GPR158: variants seen among roughly 807,000 people sequenced by gnomAD.
The protein encoded by GPR158 is G protein-coupled receptor 158, also known as metabotropic glycine receptor.
Under a neutral mutation model 78.2 loss-of-function variants are expected in GPR158, and 30 were observed. The observed-to-expected ratio is 0.38, with a 90% CI of 0.29 to 0.52. The LOEUF is 0.52. Ranked by LOEUF, GPR158 falls within the 20% of genes least tolerant of loss-of-function variation. GPR158 has a pLI of 0.83. For synonymous variants in GPR158, 581 were observed against 591.1 expected, an observed-to-expected ratio of 0.98 and a Z score of 0.25; for missense variants, 1,463 against 1,523.5, an observed-to-expected ratio of 0.96 and a Z score of 0.66.
chr10:25,295,425 T>G (rs904346943), intron 2 of GPR158, among the ~76,000 whole-genome samples: 3 of 152,134 alleles, frequency 2.0e-5, no homozygotes, highest in Non-Finnish European at 1.5e-5. Context: ...TCTCTTTCTT[T>G]TTTTTTGAGA....
chr10:25,343,828 T>C (rs924955098), intron 2 of GPR158, among the ~76,000 whole-genome samples: 1 of 151,998 alleles, frequency 6.6e-6, no homozygotes, highest in African/African-American at 2.4e-5. Flanking sequence ...CTGTATACTT[T>C]GGATCACTTA....
At chr10:25,555,094 GAAAGAAAGAA>G (rs898193481) in intron 6 of GPR158, among the ~76,000 whole-genome samples, 11 of 151,926 alleles carry the variant, frequency 7.2e-5, no homozygotes, top group Non-Finnish European at 1.6e-4. Flanking sequence ...GAAGGAAGGA[GAAAGAAAGAA>G]AAAGAAAGAG....
intron 2 of GPR158, among the ~76,000 whole-genome samples, chr10:25,231,360 A>T (rs1588747261): frequency 6.6e-6 from 1 of 152,194 alleles, no homozygotes; most frequent in Admixed American, 6.5e-5. Context: ...ATTGATTTTT[A>T]AAAATAATCT....
At chr10:25,345,695 A>T (rs764689482) in intron 2 of GPR158, among the ~76,000 whole-genome samples, 5 of 151,938 alleles carry the variant, frequency 3.3e-5, no homozygotes, top group Non-Finnish European at 5.9e-5. Context: ...CTGCTGGCTA[A>T]TATTGACTTT....
chr10:25,245,873 C>A (rs977662833), intron 2 of GPR158, among the ~76,000 whole-genome samples: 1 of 152,022 alleles, frequency 6.6e-6, no homozygotes, highest in Admixed American at 6.6e-5. Flanking sequence ...ATTATGAAAT[C>A]TTTTATAATA....
At chr10:25,409,640 T>C (rs1834559546) in intron 3 of GPR158, among the ~76,000 whole-genome samples, 1 of 152,362 alleles carries the variant, frequency 6.6e-6, no homozygotes, top group East Asian at 1.9e-4. Context: ...AAAAGAGATA[T>C]CAAATATTCT....
At chr10:25,328,840 T>C (rs1393511115) in intron 2 of GPR158, among the ~76,000 whole-genome samples, 1 of 147,312 alleles carries the variant, frequency 6.8e-6, no homozygotes, top group Non-Finnish European at 1.5e-5. Flanking sequence ...GGCAGGAGAA[T>C]TGATTGAACT....
chr10:25,532,059 G>A (rs1035521185), intron 5 of GPR158, among the ~76,000 whole-genome samples: 7 of 152,200 alleles, frequency 4.6e-5, no homozygotes, highest in Non-Finnish European at 8.8e-5. Flanking sequence ...ATTCTAGGTT[G>A]TAACTGCAAT....
intron 1 of GPR158, among the ~76,000 whole-genome samples, chr10:25,182,776 C>T (rs1035690521): frequency 6.6e-5 from 10 of 152,186 alleles, no homozygotes; most frequent in African/African-American, 1.7e-4. Context: ...GATGCCAAGG[C>T]GTATGTTGTT....
chr10:25,590,270 C>T (rs1837324236), intron 8 of GPR158, among the ~76,000 whole-genome samples: 1 of 152,172 alleles, frequency 6.6e-6, no homozygotes, highest in Admixed American at 6.5e-5. Flanking sequence ...GGTCTGAGAA[C>T]CCTGGAGACT....
intron 2 of GPR158, among the ~76,000 whole-genome samples, chr10:25,366,217 A>G (rs1177570899): frequency 6.6e-6 from 1 of 151,618 alleles, no homozygotes; most frequent in Non-Finnish European, 1.5e-5. Context: ...ATATTGGGGC[A>G]TATCCACCTA....
At chr10:25,461,827 GT>G (rs1221825306) in intron 4 of GPR158, among the ~76,000 whole-genome samples, 9 of 151,660 alleles carry the variant, frequency 5.9e-5, no homozygotes, top group Non-Finnish European at 1.2e-4. Flanking sequence ...CATCTCCCGG[GT>G]TCACGCCATT....
At chr10:25,324,800 A>G (rs963618071) in intron 2 of GPR158, among the ~76,000 whole-genome samples, 3 of 148,722 alleles carry the variant, frequency 2.0e-5, no homozygotes, top group Admixed American at 2.0e-4. Context: ...AGTAAAATAT[A>G]TATTAGGTAA....
intron 2 of GPR158, among the ~76,000 whole-genome samples, chr10:25,385,795 C>A (rs1412247152): frequency 6.6e-6 from 1 of 151,996 alleles, no homozygotes. Flanking sequence ...CACTTAAAAT[C>A]AGGTTATTTG....
intron 2 of GPR158, among the ~76,000 whole-genome samples, chr10:25,238,065 C>CCTT (rs1853551002): frequency 2.0e-5 from 3 of 151,684 alleles, no homozygotes; most frequent in Admixed American, 2.0e-4. Context: ...TCTTTTCTCT[C>CCTT]CTTCTTCTTC....
At chr10:25,259,944 T>C (rs1465284267) in intron 2 of GPR158, among the ~76,000 whole-genome samples, 2 of 152,104 alleles carry the variant, frequency 1.3e-5, no homozygotes, top group African/African-American at 4.8e-5. Flanking sequence ...ACTCTATAAA[T>C]CTAGTAAACT....
chr10:25,577,137 TCTTAA>T (rs1157096004), intron 7 of GPR158, among the ~76,000 whole-genome samples: 2 of 152,190 alleles, frequency 1.3e-5, no homozygotes, highest in African/African-American at 4.8e-5. Flanking sequence ...ATATTTAACC[TCTTAA>T]TTTAATGGTT....
At chr10:25,515,613 T>A (rs1399257997) in intron 5 of GPR158, among the ~76,000 whole-genome samples, 1 of 117,494 alleles carries the variant, frequency 8.5e-6, no homozygotes, top group Non-Finnish European at 1.9e-5. Context: ...AGTGAGAATA[T>A]GCGGTGTTTG....
chr10:25,373,929 C>CAT (rs1307331539), intron 2 of GPR158, among the ~76,000 whole-genome samples: 5 of 151,670 alleles, frequency 3.3e-5, no homozygotes, highest in African/African-American at 1.2e-4. Flanking sequence ...ATGGATATGT[C>CAT]ATTTAGGTCA....
Sources: gnomAD v4.1 joint callset for allele counts (sites outside exome capture counted in the v4.1 genomes callset) on GRCh38, gnomAD v4.1.1 for gene constraint, MANE v1.5 for transcripts, NCBI Gene and HGNC (gene_info 2026-07-23, HGNC 2026-07-21) for gene names.